The following HAVCR1 variants were observed in gnomAD, a reference collection of about 807,000 sequenced individuals.
HAVCR1 encodes T cell immunoglobin domain and mucin domain protein 1.
In HAVCR1, 34 loss-of-function variants were observed where a neutral mutation model predicts 32.0. The observed-to-expected ratio is 1.06, with a 90% CI of 0.81 to 1.42. The LOEUF (loss-of-function observed/expected upper bound fraction) is 1.42. HAVCR1 is among the 40% of genes most tolerant of loss of function. HAVCR1 has a pLI of 0.00. For missense variants in HAVCR1, 420 were observed against 442.3 expected, an observed-to-expected ratio of 0.95 and a Z score of 0.45; for synonymous variants, 178 against 170.3, an observed-to-expected ratio of 1.05 and a Z score of -0.35.
chr5:157,048,328 T>C (rs1461790382), intron 5 of HAVCR1, among the ~76,000 whole-genome samples: 2 of 152,212 alleles, frequency 1.3e-5, no homozygotes, highest in Non-Finnish European at 2.9e-5. Flanking sequence ...TGATTTGATT[T>C]CTAAAAACAA....
In HAVCR1 at chr5:157,052,623, A is replaced by G. The variant is rs1261408176; in HGVS notation, c.411T>C (p.Thr137=). 4.3e-6 allele frequency: 7 copies of G among 1,614,046 alleles called. No individual in the cohort carries two copies. The Admixed American group carries it at 5.0e-5, about 12-fold the overall frequency. The change falls in exon 4 of 9, where the codon ACT becomes ACC. Residue 137 remains threonine (T), a synonymous_variant. Coordinates refer to ENST00000523175, the MANE Select transcript of HAVCR1 (RefSeq NM_001173393.3). ...TTCGAACAGTCGTGACGGTTGGAAC[A>G]GTTGTGACAATTGGAGTAGTCGTGA... is the stretch of plus-strand genomic sequence containing the variant. The part of the protein sequence containing the change: ...PKVTTTPIVT[T]VPTVTTVRTS...
Position 157,053,043 on chromosome 5 carries a change from G to A in HAVCR1, c.380-389C>T, listed in dbSNP as rs1003567785. 2.6e-5 allele frequency among the ~76,000 whole-genome samples: 4 copies of A among 152,104 alleles called. 1 individual carries two copies. Among genetic ancestry groups the A allele is most frequent in the Admixed American group, 1.3e-4 (2 of 15,262 alleles). On this transcript the variant is annotated intron_variant, in intron 3 of 8. Coordinates refer to ENST00000523175, the MANE Select transcript of HAVCR1 (RefSeq NM_001173393.3). ...TCCTCCTGTGTCAGCTTCCCAAGTA[G>A]CTGGGACTACATGCAGGCATCACCA... is the stretch of plus-strand genomic sequence containing the variant.
chr5:157,044,209 G>A (rs1755085014), intron 5 of HAVCR1, among the ~76,000 whole-genome samples: 1 of 151,690 alleles, frequency 6.6e-6, no homozygotes, highest in African/African-American at 2.4e-5. Flanking sequence ...CTGCACATCT[G>A]TAATTCCAGC....
Position 157,029,898 on chromosome 5 carries a change from C to T in HAVCR1, c.987-57G>A, listed in dbSNP as rs898617229. On this transcript the variant is annotated intron_variant, in intron 8 of 8. Coordinates refer to ENST00000523175, the MANE Select transcript of HAVCR1 (RefSeq NM_001173393.3). Reference sequence around the variant, plus strand: ...GTAAGAAAAAAAGCAGACCACTTCTCACATATAAGCTGCACTTTTGTTTAT... The same window carrying T: ...GTAAGAAAAAAAGCAGACCACTTCTTACATATAAGCTGCACTTTTGTTTAT... 1.0e-5 allele frequency: 15 copies of T among 1,433,514 alleles called. No individual in the cohort carries two copies. In the African/African-American group the frequency reaches 1.3e-4, roughly 12 times the overall value. The allele number at this position is 1,433,514 out of a possible 1,614,324, so 88.8% of individuals were successfully genotyped here. A position where few individuals can be genotyped will look rare whatever the true frequency, so the allele number is the denominator to read the frequency against.
chr5:157,042,445 A>AC (rs1754962640), intron 6 of HAVCR1, among the ~76,000 whole-genome samples, 182 bp downstream of exon 6: 4 of 142,974 alleles, frequency 2.8e-5, no homozygotes, highest in African/African-American at 9.8e-5. Flanking sequence ...CCGTCTCAAA[A>AC]AAAAAAAAAA....
At chr5:157,066,380 C>CT in the HAVCR1 span, among the ~76,000 whole-genome samples, 1 of 151,836 alleles carries the variant, frequency 6.6e-6, no homozygotes, top group Non-Finnish European at 1.5e-5. Flanking sequence ...ACTTGAGTGC[C>CT]TATAGTACCA....
At chr5:157,040,580 C>T (rs1171274656) in intron 6 of HAVCR1, among the ~76,000 whole-genome samples, 1 of 152,212 alleles carries the variant, frequency 6.6e-6, no homozygotes, top group Non-Finnish European at 1.5e-5. Context: ...GCCACGTTGT[C>T]ATTTCTTACA....
intron 6 of HAVCR1, 46 bp downstream of exon 6, chr5:157,042,581 A>T (rs1270103230): frequency 8.8e-7 from 1 of 1,134,456 alleles, no homozygotes. Context: ...TTCCAAGGAG[A>T]TATACAAGTG....
chr5:157,040,962 C>T (rs1037720824), intron 6 of HAVCR1, among the ~76,000 whole-genome samples: 1 of 151,962 alleles, frequency 6.6e-6, no homozygotes, highest in Non-Finnish European at 1.5e-5. Context: ...TTCTCATAAC[C>T]TCAGACTTTT....
At chr5:157,066,414 G>A in the HAVCR1 span, among the ~76,000 whole-genome samples, 1 of 151,710 alleles carries the variant, frequency 6.6e-6, no homozygotes, top group Non-Finnish European at 1.5e-5. Context: ...CTAAGCGGGA[G>A]GGATCACTTG....
At chr5:157,060,913 T>C (rs1756475847), upstream of HAVCR1, among the ~76,000 whole-genome samples, 1 of 151,772 alleles carries the variant, frequency 6.6e-6, no homozygotes, top group African/African-American at 2.4e-5. Context: ...TTTTTTTTTT[T>C]CCAAGACAGA....
chr5:157,057,801 TCCA>T, intron 2 of HAVCR1, 94 bp downstream of exon 2: 9 of 858,410 alleles, frequency 1.0e-5, no homozygotes, highest in Non-Finnish European at 1.8e-5. Flanking sequence ...TCTACATTAA[TCCA>T]CCACCACCAT....
chr5:157,052,498 A>AAACAGTCATTGTCGTCG lies in HAVCR1; in HGVS notation c.535_536insCGACGACAATGACTGTT (p.Leu179ProfsTer7), dbSNP rs1561599437. ...TGTCGTTGAAACAGTCATTGTCGTCAGAACAGTCGTTGTCGTTGGAATGCT... is the reference window on the plus strand; with the variant it reads ...TGTCGTTGAAACAGTCATTGTCGTCAAACAGTCATTGTCGTCGGAACAGTCGTTGTCGTTGGAATGCT... On this transcript the variant is annotated frameshift_variant, in exon 4 of 9. Coordinates refer to ENST00000523175, the MANE Select transcript of HAVCR1 (RefSeq NM_001173393.3). LOFTEE classifies it high-confidence loss of function. 2 of 1,613,792 alleles carry AAACAGTCATTGTCGTCG rather than the reference A, an allele frequency of 1.2e-6. No individual in the cohort carries two copies. Among genetic ancestry groups the AAACAGTCATTGTCGTCG allele is most frequent in the Non-Finnish European group, 1.7e-6 (2 of 1,179,896 alleles).
chr5:157,057,510 A>G (rs946791651), intron 2 of HAVCR1, among the ~76,000 whole-genome samples: 2 of 152,064 alleles, frequency 1.3e-5, no homozygotes, highest in Non-Finnish European at 2.9e-5. Flanking sequence ...AAAAAATACA[A>G]TAAGGATTAA....
upstream of HAVCR1, among the ~76,000 whole-genome samples, chr5:157,063,284 CA>C (rs1756529169): frequency 8.0e-6 from 1 of 125,378 alleles, no homozygotes; most frequent in South Asian, 3.6e-4. Flanking sequence ...ATGTAACTTA[CA>C]TTTTTTTTTT....
intron 5 of HAVCR1, among the ~76,000 whole-genome samples, chr5:157,042,889 C>T (rs75433668): frequency 0.027 from 4,154 of 152,106 alleles, 187 homozygotes; most frequent in African/African-American, 0.087. Flanking sequence ...TTTCTGTCAC[C>T]GGCTCTTTGA....
At chr5:157,029,899 A>C in intron 8 of HAVCR1, 58 bp from the exon 9 acceptor site, 18 of 1,435,798 alleles carry the variant, frequency 1.3e-5, no homozygotes, top group Non-Finnish European at 1.7e-5. Context: ...ACCACTTCTC[A>C]CATATAAGCT....
the HAVCR1 span, among the ~76,000 whole-genome samples, chr5:157,068,652 T>A: frequency 9.7e-6 from 1 of 103,322 alleles, no homozygotes; most frequent in Non-Finnish European, 2.0e-5. Context: ...GCTTTTTTTT[T>A]ACATTTTTTT....
chr5:157,046,248 G>C (rs755226732), intron 5 of HAVCR1, among the ~76,000 whole-genome samples: 3 of 152,170 alleles, frequency 2.0e-5, no homozygotes, highest in Non-Finnish European at 4.4e-5. Context: ...TACACACAAG[G>C]AGGCCTGCAA....
Sources: allele counts gnomAD v4.1 joint callset (sites outside exome capture counted in the v4.1 genomes callset), GRCh38; gene constraint gnomAD v4.1.1; transcripts MANE v1.5; gene names NCBI Gene and HGNC (gene_info 2026-07-23, HGNC 2026-07-21).